The following CCDC73 variants were observed in gnomAD, a reference collection of about 807,000 sequenced individuals.
CCDC73 encodes coiled-coil domain containing 73.
A neutral mutation model predicts 116.5 loss-of-function variants in CCDC73; 95 were observed. That is an observed-to-expected ratio of 0.82 (90% CI 0.69 to 0.97). The LOEUF (loss-of-function observed/expected upper bound fraction) is 0.97. Ranked by LOEUF, CCDC73 falls within the 50% of genes least tolerant of loss-of-function variation. CCDC73 has a pLI of 0.00. For synonymous variants in CCDC73, 398 were observed against 401.3 expected, an observed-to-expected ratio of 0.99 and a Z score of 0.10; for missense variants, 1,066 against 1,206.8, an observed-to-expected ratio of 0.88 and a Z score of 1.73.
chr11:32,769,790 T>C (rs551112457), intron 1 of CCDC73, among the ~76,000 whole-genome samples: 1 of 152,296 alleles, frequency 6.6e-6, no homozygotes, highest in South Asian at 2.1e-4. Flanking sequence ...TCCACTAAAA[T>C]ATCTCTTCCT....
At chr11:32,763,708 T>C (rs1287722478) in intron 1 of CCDC73, among the ~76,000 whole-genome samples, 3 of 152,072 alleles carry the variant, frequency 2.0e-5, no homozygotes, top group Non-Finnish European at 4.4e-5. Context: ...TCAGAGCACC[T>C]CTCCCCCTCC....
chr11:32,797,529 A>G (rs555763030), upstream of CCDC73, among the ~76,000 whole-genome samples: 36 of 151,350 alleles, frequency 2.4e-4, no homozygotes, highest in African/African-American at 8.0e-4. Context: ...TCAACTCTCC[A>G]CTCCCATCTA....
upstream of CCDC73, among the ~76,000 whole-genome samples, chr11:32,797,261 A>G (rs1023956144): frequency 1.3e-5 from 2 of 151,972 alleles, no homozygotes; most frequent in Admixed American, 1.3e-4. Context: ...GCAGTGAGCT[A>G]TGATTGCACT....
At chr11:32,713,393 T>C (rs751487286) in intron 3 of CCDC73, among the ~76,000 whole-genome samples, 5 of 152,076 alleles carry the variant, frequency 3.3e-5, no homozygotes, top group African/African-American at 4.8e-5. Flanking sequence ...TGGTTTCCGA[T>C]CTCAGTAGGA....
intron 9 of CCDC73, among the ~76,000 whole-genome samples, chr11:32,661,045 T>C (rs953435746): frequency 1.3e-5 from 2 of 151,758 alleles, no homozygotes; most frequent in African/African-American, 2.4e-5. Flanking sequence ...GGTATAGAGG[T>C]AATACATTTG....
At chr11:32,653,295 A>G in intron 11 of CCDC73, 68 bp from the exon 12 acceptor site, 1 of 992,294 alleles carries the variant, frequency 1.0e-6, no homozygotes, top group Non-Finnish European at 1.5e-6. Context: ...ATCATTCTTC[A>G]CATACATTTT....
intron 6 of CCDC73, among the ~76,000 whole-genome samples, 193 bp downstream of exon 6, chr11:32,699,058 C>A (rs1222689948): frequency 2.6e-5 from 4 of 151,594 alleles, no homozygotes; most frequent in East Asian, 3.9e-4. Context: ...TTTAATATTT[C>A]TTTTTAAAAT....
chr11:32,801,176 T>C, the CCDC73 span, among the ~76,000 whole-genome samples: 1 of 152,220 alleles, frequency 6.6e-6, no homozygotes, highest in African/African-American at 2.4e-5. Context: ...CCAGAAACTT[T>C]CTGGCAGACA....
chr11:32,695,026 G>A (rs1427331287), intron 6 of CCDC73, among the ~76,000 whole-genome samples: 1 of 152,186 alleles, frequency 6.6e-6, no homozygotes, highest in African/African-American at 2.4e-5. Context: ...AACTCAAACA[G>A]TAACACAGAA....
chr11:32,755,569 ATATATCCATATATATGTG>A (rs1850327702), intron 2 of CCDC73, among the ~76,000 whole-genome samples: 1 of 133,888 alleles, frequency 7.5e-6, no homozygotes, highest in Non-Finnish European at 1.6e-5. Flanking sequence ...ATATGTACAT[ATATATCCATATATATGTG>A]TGTATATATA....
chr11:32,683,547 C>G lies in CCDC73; in HGVS notation c.418G>C (p.Val140Leu). ...TGTAATTTCCTTACCATTTCACTCACTTTCTTCTGTAAAGAGTATTTAGAA... is the reference window on the plus strand; with the variant it reads ...TGTAATTTCCTTACCATTTCACTCAGTTTCTTCTGTAAAGAGTATTTAGAA... The part of the protein sequence containing the change: ...QVSKYSLQKK[V>L]SEMEQKVQLH... The change falls in exon 7 of 18, where the codon GTG becomes CTG. Residue 140 changes from valine to leucine, a missense_variant. Transcript: ENST00000335185. 1 of 1,523,306 alleles carries G rather than the reference C, an allele frequency of 6.6e-7. No homozygotes were observed. Among genetic ancestry groups the G allele is most frequent in the South Asian group, 1.1e-5 (1 of 88,888 alleles). 94.4% of individuals were successfully genotyped at this position (1,523,306 alleles called of 1,614,324 possible).
chr11:32,684,769 G>C (rs1041588563), intron 6 of CCDC73, among the ~76,000 whole-genome samples: 17 of 152,200 alleles, frequency 1.1e-4, no homozygotes, highest in African/African-American at 3.9e-4. Context: ...GATTGCTTGA[G>C]TCCAGGAGTT....
At position 32,614,364 on chromosome 11, in the gene CCDC73, T is replaced by C. The variant is rs1349455203; in HGVS notation, c.1954A>G (p.Asn652Asp). ...CATTGTTTATCATCTAACATAACAT[T>C]ACTTGAATTCCGTAAACTATATTTC... is the stretch of plus-strand genomic sequence containing the variant. ...CQKYSLRNSS[N>D]VMLDDKQCKI... The change falls in exon 16 of 18, where the codon AAT becomes GAT. Residue 652 changes from asparagine (N) to aspartate (D), a missense_variant. Physicochemically the swap from Asn to Asp is conservative, Grantham distance 23. Coordinates refer to ENST00000335185, the MANE Select transcript of CCDC73 (RefSeq NM_001008391.4). 6.2e-7 allele frequency: 1 copy of C among 1,612,080 alleles called. No individual in the cohort carries two copies.
At chr11:32,785,394 CTTTTA>C (rs1450296521) in intron 1 of CCDC73, among the ~76,000 whole-genome samples, 1 of 151,824 alleles carries the variant, frequency 6.6e-6, no homozygotes, top group African/African-American at 2.4e-5. Context: ...ACCAGTTTTT[CTTTTA>C]TTTTTTGTTT....
chr11:32,634,269 G>C (rs1855659047), intron 14 of CCDC73, among the ~76,000 whole-genome samples: 1 of 151,932 alleles, frequency 6.6e-6, no homozygotes, highest in Non-Finnish European at 1.5e-5. Flanking sequence ...CCTTAACAAA[G>C]CACTAGCAAT....
chr11:32,608,274 C>T (rs927059598), intron 17 of CCDC73, among the ~76,000 whole-genome samples: 22 of 152,206 alleles, frequency 1.4e-4, no homozygotes, highest in Non-Finnish European at 2.6e-4. Context: ...CAAGTCCCTT[C>T]CACCTATAAG....
rs749188298 is a variant in CCDC73 at position 32,635,721 on chromosome 11, G to A, written c.1160C>T (p.Thr387Ile). ...EHYNKLCNQK[T>I]FEEDKKFQNV... ...CTGAAACTTTTTGTCTTCCTCAAAT[G>A]TTTTTTGATTGCATAATTTGTTATA... Residue 387 changes from threonine to isoleucine, a missense_variant, in exon 14 of 18, where the codon ACA (threonine) becomes ATA (isoleucine). Transcript: ENST00000335185. The A allele has an allele frequency of 1.1e-5, 14 of 1,300,764 alleles. No homozygotes were observed. In the African/African-American group the frequency reaches 1.7e-4, roughly 16 times the overall value. The allele number at this position is 1,300,764 out of a possible 1,614,324, so 80.6% of individuals were successfully genotyped here. A position where few individuals can be genotyped will look rare whatever the true frequency, so the allele number is the denominator to read the frequency against.
intron 1 of CCDC73, among the ~76,000 whole-genome samples, chr11:32,788,797 C>T (rs1850648811): frequency 6.6e-6 from 1 of 152,042 alleles, no homozygotes; most frequent in African/African-American, 2.4e-5. Flanking sequence ...TATTTACAAT[C>T]TAGAAAAATG....
At chr11:32,732,038 G>A (rs1850083657) in intron 2 of CCDC73, among the ~76,000 whole-genome samples, 1 of 152,120 alleles carries the variant, frequency 6.6e-6, no homozygotes, top group Admixed American at 6.5e-5. Flanking sequence ...TGGACGAATG[G>A]CTAACTACAA....
Sources: gnomAD v4.1 joint callset for allele counts (sites outside exome capture counted in the v4.1 genomes callset) on GRCh38, gnomAD v4.1.1 for gene constraint, MANE v1.5 for transcripts, NCBI Gene and HGNC (gene_info 2026-07-23, HGNC 2026-07-21) for gene names.